The following STON1 variants were observed in gnomAD, a reference collection of about 807,000 sequenced individuals.
The protein encoded by STON1 is stonin 1.
A neutral mutation model predicts 60.9 loss-of-function variants in STON1; 79 were observed. That is an observed-to-expected ratio of 1.30 (90% CI 1.08 to 1.56). The LOEUF is 1.56. Ranked by LOEUF, STON1 falls within the 40% of genes most tolerant of loss-of-function variation. STON1 has a pLI of 0.00. For missense variants in STON1, 1,166 were observed against 858.9 expected (o/e 1.36, Z -4.47); for synonymous variants, 363 against 306.9 (o/e 1.18, Z -1.91).
chr2:48,564,490 TTCTTC>T (rs1672797850), intron 1 of STON1, among the ~76,000 whole-genome samples: 41 of 21,538 alleles, frequency 1.9e-3, no homozygotes, highest in African/African-American at 6.8e-3. Flanking sequence ...TTTCTTCTTC[TTCTTC>T]TTCTTCTTCT....
intron 1 of STON1, among the ~76,000 whole-genome samples, chr2:48,533,452 G>A (rs1671295943): frequency 1.3e-5 from 2 of 151,716 alleles, no homozygotes; most frequent in South Asian, 4.1e-4. Flanking sequence ...ATTTTGGGAG[G>A]CCACGGCAGG....
chr2:48,546,838 T>C (rs1671882705), intron 1 of STON1, among the ~76,000 whole-genome samples: 1 of 152,158 alleles, frequency 6.6e-6, no homozygotes, highest in Non-Finnish European at 1.5e-5. Flanking sequence ...AATGTGGGGA[T>C]TACAGGTATG....
chr2:48,545,952 C>A (rs983481769), intron 1 of STON1, among the ~76,000 whole-genome samples: 1 of 152,212 alleles, frequency 6.6e-6, no homozygotes, highest in Non-Finnish European at 1.5e-5. Flanking sequence ...TTCTGCAAAG[C>A]TTTGGGGAAA....
chr2:48,586,669 G>C (rs1371193537), intron 2 of STON1, among the ~76,000 whole-genome samples: 1 of 151,600 alleles, frequency 6.6e-6, no homozygotes, highest in African/African-American at 2.4e-5. Flanking sequence ...AGACCTTGTG[G>C]GCCATGCTGT....
chr2:48,571,672 AG>A (rs1400848029), intron 1 of STON1, among the ~76,000 whole-genome samples: 1 of 152,220 alleles, frequency 6.6e-6, no homozygotes, highest in Non-Finnish European at 1.5e-5. Context: ...TAACAGACCA[AG>A]GCTCTGGACA....
rs1166195642 is a variant in STON1 at position 48,596,794 on chromosome 2, T to C, written c.*1492T>C. The C allele has an allele frequency of 6.6e-6, 1 of 152,212 alleles. No individual in the cohort carries two copies. Among genetic ancestry groups the C allele is most frequent in the African/African-American group, 2.4e-5 (1 of 41,460 alleles). 9.4% of individuals were successfully genotyped at this position (152,212 alleles called of 1,614,324 possible). On this transcript the variant is annotated 3_prime_UTR_variant, in exon 4 of 4. Coordinates refer to ENST00000404752, the MANE Select transcript of STON1 (RefSeq NM_006873.4). The stretch of plus-strand genomic sequence containing the variant: ...TTTATTGCTTTTCATTATTTTACTG[T>C]AAAGGCAAAGAATGCAATAGGTGAT...
At chr2:48,567,026 G>C (rs1399502889) in intron 1 of STON1, among the ~76,000 whole-genome samples, 1 of 152,034 alleles carries the variant, frequency 6.6e-6, no homozygotes, top group Non-Finnish European at 1.5e-5. Flanking sequence ...AAAAAAAAAA[G>C]TTGGCACCCA....
chr2:48,535,772 T>A (rs565381106), intron 1 of STON1, among the ~76,000 whole-genome samples: 1 of 152,030 alleles, frequency 6.6e-6, no homozygotes, highest in Admixed American at 6.6e-5. Flanking sequence ...TACCCAGCAG[T>A]CAGTGAGCAT....
At chr2:48,574,324 C>T (rs890078697) in intron 1 of STON1, among the ~76,000 whole-genome samples, 3 of 150,794 alleles carry the variant, frequency 2.0e-5, no homozygotes, top group East Asian at 1.9e-4. Flanking sequence ...TGCAGTGAGT[C>T]GAGATCGTGC....
chr2:48,576,087 A>T (rs1572967907), intron 1 of STON1, among the ~76,000 whole-genome samples: 1 of 146,714 alleles, frequency 6.8e-6, no homozygotes, highest in Non-Finnish European at 1.5e-5. Context: ...GGCCTTCCAT[A>T]TTGTTCCCCA....
chr2:48,582,356 C>A lies in STON1; in HGVS notation c.1723C>A (p.Pro575Thr), dbSNP rs868725957. ...CDNIRIHFPV[P>T]SQWIKALWTM... Reference sequence around the variant, plus strand: ...CAATATAAGGATACACTTTCCTGTCCCATCGCAGTGGATCAAGGCCCTTTG... The same window carrying A: ...CAATATAAGGATACACTTTCCTGTCACATCGCAGTGGATCAAGGCCCTTTG... Residue 575 changes from proline (P) to threonine (T), a missense_variant, in exon 2 of 4, where the codon CCA becomes ACA. Physicochemically the swap from Pro to Thr is conservative, Grantham distance 38. Transcript: ENST00000404752. The A allele has an allele frequency of 3.7e-6, 6 of 1,614,118 alleles. No individual in the cohort carries two copies. The Middle Eastern group carries it at 8.2e-4, about 222-fold the overall frequency.
In STON1 at chr2:48,591,759, C is replaced by T. The variant is rs1398588713; in HGVS notation, c.2037C>T (p.Asp679=). 1 of 1,614,078 alleles carries T rather than the reference C, an allele frequency of 6.2e-7. No homozygotes were observed. ...PFATVQFSVP[D]TCASRTEVRS... ...CTACTGTTCAGTTTTCCGTGCCTGA[C>T]ACCTGTGCCTCAAGGACAGAGGTCA... Residue 679 remains aspartate, a synonymous_variant, in exon 3 of 4, where the codon GAC becomes GAT. Transcript: ENST00000404752.
intron 2 of STON1, among the ~76,000 whole-genome samples, chr2:48,590,708 G>A (rs1674466369): frequency 6.7e-6 from 1 of 149,282 alleles, no homozygotes; most frequent in Non-Finnish European, 1.5e-5. Context: ...GTATCTCTGG[G>A]TCTGGCACTG....
chr2:48,554,036 G>T (rs562017786), intron 1 of STON1, among the ~76,000 whole-genome samples: 9 of 152,278 alleles, frequency 5.9e-5, no homozygotes, highest in African/African-American at 1.9e-4. Flanking sequence ...TGGGGAGAGA[G>T]CAGAACCCTG....
rs1163423357 is a variant in STON1 at position 48,591,826 on chromosome 2, G to A, written c.2104G>A (p.Val702Ile). 1.9e-6 allele frequency: 3 copies of A among 1,614,014 alleles called. No homozygotes were observed. Among genetic ancestry groups the A allele is most frequent in the Non-Finnish European group, 1.7e-6 (2 of 1,180,022 alleles). The stretch of plus-strand genomic sequence containing the variant: ...GAGTGATGTCCAGCCACAGAAACAT[G>A]TTCAGCAGCGAGCTTGCTACAACAT... ...VESDVQPQKH[V>I]QQRACYNIQV... The change falls in exon 3 of 4, where the codon GTT (valine) becomes ATT (isoleucine). Residue 702 changes from valine (V) to isoleucine (I), a missense_variant. By Grantham distance (29) the Val-to-Ile change is conservative. Transcript: ENST00000404752.
intron 1 of STON1, among the ~76,000 whole-genome samples, chr2:48,547,716 T>A (rs1308975374): frequency 6.6e-6 from 1 of 152,172 alleles, no homozygotes; most frequent in Non-Finnish European, 1.5e-5. Flanking sequence ...TGAAAAGTGT[T>A]TAGATTTAGT....
intron 2 of STON1, 82 bp from the exon 3 acceptor site, chr2:48,591,571 A>T: frequency 6.5e-7 from 1 of 1,532,316 alleles, no homozygotes; most frequent in Non-Finnish European, 8.8e-7. Context: ...TATTAAGGAG[A>T]GAGATGAGTG....
rs750091921 is a variant in STON1, at chr2:48,581,923, A to C, written c.1290A>C (p.Glu430Asp). The C allele has an allele frequency of 6.2e-7, 1 of 1,614,126 alleles. No individual in the cohort carries two copies. Residue 430 changes from glutamate to aspartate, a missense_variant, in exon 2 of 4, where the codon GAA becomes GAC. Glu to Asp is a conservative substitution (Grantham distance 45, BLOSUM62 2). Transcript: ENST00000404752. The part of the protein sequence containing the change: ...VDNFWGKVTK[E>D]GKFVESAVIT... ...ACTTTTGGGGTAAAGTCACAAAAGA[A>C]GGAAAATTTGTTGAAAGTGCTGTGA... is the stretch of plus-strand genomic sequence containing the variant.
chr2:48,592,507 C>G (rs1450366752), intron 3 of STON1, among the ~76,000 whole-genome samples: 1 of 151,500 alleles, frequency 6.6e-6, no homozygotes, highest in Non-Finnish European at 1.5e-5. Context: ...TCTTGGCTCA[C>G]TGCAACCTCC....
Sources: gnomAD v4.1 joint callset for allele counts (sites outside exome capture counted in the v4.1 genomes callset) on GRCh38, gnomAD v4.1.1 for gene constraint, MANE v1.5 for transcripts, NCBI Gene and HGNC (gene_info 2026-07-23, HGNC 2026-07-21) for gene names.